The following SIGLEC6 variants were observed in gnomAD, a reference collection of about 807,000 sequenced individuals.
SIGLEC6 encodes the protein sialic acid binding Ig like lectin 6, also known as sialic acid-binding Ig-like lectin 6.
SIGLEC6 carries 31 observed loss-of-function variants against 41.4 expected under a neutral mutation model. The observed-to-expected ratio is 0.75, with a 90% CI of 0.56 to 1.01. The LOEUF (loss-of-function observed/expected upper bound fraction) is 1.01, where lower values mean the gene tolerates loss of function less well. Among genes scored for constraint, SIGLEC6 ranks in the 50% least tolerant of loss-of-function variants. The pLI, the probability that SIGLEC6 is intolerant of heterozygous loss-of-function variation, is 0.00. For missense variants in SIGLEC6, 555 were observed against 558.6 expected (o/e 0.99, Z 0.06); for synonymous variants, 217 against 231.0 (o/e 0.94, Z 0.55).
chr19:51,529,491 CTG>C (rs993577821), intron 5 of SIGLEC6: 1 of 559,412 alleles, frequency 1.8e-6, no homozygotes, highest in Non-Finnish European at 3.2e-6. Context: ...CTGGGGGTGA[CTG>C]TGAAGGAGCC....
chr19:51,529,303 A>C (rs548622138), intron 5 of SIGLEC6: 1 of 190,124 alleles, frequency 5.3e-6, no homozygotes, highest in Non-Finnish European at 1.1e-5. Flanking sequence ...AGCCCTAGCA[A>C]ACTCATACAA....
intron 7 of SIGLEC6, among the ~76,000 whole-genome samples, chr19:51,523,303 C>T (rs73559152): frequency 0.068 from 10,320 of 152,050 alleles, 386 homozygotes; most frequent in South Asian, 0.13. Context: ...AACACAAAAA[C>T]GAAAAATAAA....
chr19:51,524,641 C>G (rs1321113562), intron 7 of SIGLEC6, among the ~76,000 whole-genome samples: 1 of 152,168 alleles, frequency 6.6e-6, no homozygotes, highest in Non-Finnish European at 1.5e-5. Flanking sequence ...CCATGGTAGA[C>G]TGATTTTTCA....
At chr19:51,522,718 G>T (rs1001295507) in intron 7 of SIGLEC6, among the ~76,000 whole-genome samples, 1 of 152,228 alleles carries the variant, frequency 6.6e-6, no homozygotes, top group Non-Finnish European at 1.5e-5. Context: ...TTGAGCCCAG[G>T]AAGTGGAGGT....
chr19:51,522,640 A>G (rs1978470024), intron 7 of SIGLEC6, among the ~76,000 whole-genome samples: 1 of 151,774 alleles, frequency 6.6e-6, no homozygotes, highest in African/African-American at 2.4e-5. Context: ...CCCACAAAAA[A>G]ATTAGCCAGA....
chr19:51,530,381 A>C, intron 4 of SIGLEC6, 56 bp downstream of exon 4: 1 of 1,484,002 alleles, frequency 6.7e-7, no homozygotes, highest in South Asian at 1.1e-5. Context: ...GATCCCCGTT[A>C]GTCCCCACTC....
At position 51,518,697 on chromosome 19, in the gene SIGLEC6, T is replaced by C. The variant is rs954562157; in HGVS notation, c.*1385A>G. Among the ~76,000 whole-genome samples, 3 of 152,210 alleles carry C rather than the reference T, an allele frequency of 2.0e-5. No individual in the cohort carries two copies. The highest frequency in any genetic ancestry group is 7.2e-5 in the African/African-American group (3 of 41,452). ...CATGGCTACTCTTAAGAATTTTCCT[T>C]AATAGTTGGTCTTCATTAAATGCTT... On this transcript the variant is annotated 3_prime_UTR_variant, in exon 8 of 8. Transcript: ENST00000425629.
In SIGLEC6 at chr19:51,530,056, G is replaced by T. The variant is rs892403956; in HGVS notation, c.755-75C>A. 4 of 1,492,902 alleles carry T rather than the reference G, an allele frequency of 2.7e-6. No homozygotes were observed. In the South Asian group the frequency reaches 5.4e-5, roughly 20 times the overall value. 92.5% of individuals were successfully genotyped at this position (1,492,902 alleles called of 1,614,324 possible). A position where few individuals can be genotyped will look rare whatever the true frequency, so the allele number is the denominator to read the frequency against. ...CACTGGTGTCCCTCTCCTCCTGTGG[G>T]GTCCACACTAGCTCTGAGGAGGAGA... is the stretch of plus-strand genomic sequence containing the variant. On this transcript the variant is annotated intron_variant, in intron 4 of 7. Transcript: ENST00000425629.
intron 7 of SIGLEC6, among the ~76,000 whole-genome samples, chr19:51,523,125 G>A (rs1978567098): frequency 6.6e-6 from 1 of 152,022 alleles, no homozygotes; most frequent in South Asian, 2.1e-4. Flanking sequence ...GGGCGACAGA[G>A]TGAGATCCTG....
intron 7 of SIGLEC6, among the ~76,000 whole-genome samples, chr19:51,526,160 T>TTCCAAGGTCCCTGCCCCTGCTGC (rs1491279363): frequency 1.3e-5 from 2 of 152,206 alleles, no homozygotes; most frequent in East Asian, 3.9e-4. Flanking sequence ...CCACTGGCAC[T>TTCCAAGGTCCCTGCCCCTGCTGC]TCCAAGGTCC....
chr19:51,528,336 G>T, intron 5 of SIGLEC6, 83 bp from the exon 6 acceptor site: 1 of 1,144,688 alleles, frequency 8.7e-7, no homozygotes, highest in Non-Finnish European at 1.3e-6. Flanking sequence ...TTCCACTAAT[G>T]TGACCACCCC....
rs1257178502 is a variant in SIGLEC6, at chr19:51,518,002, GT to G, written c.*2079del. ...ACCATCATTTTTACAACAAGTATTT[GT>G]TTCATTTTGCTCACATATTTGCTAC... On this transcript the variant is annotated 3_prime_UTR_variant, in exon 8 of 8. Coordinates refer to ENST00000425629, the MANE Select transcript of SIGLEC6 (RefSeq NM_001245.7). Among the ~76,000 whole-genome samples the G allele has an allele frequency of 2.0e-5, 3 of 151,886 alleles. No homozygotes were observed. The highest frequency in any genetic ancestry group is 1.3e-4 in the Admixed American group (2 of 15,268).
At chr19:51,523,404 T>C (rs1978632334) in intron 7 of SIGLEC6, among the ~76,000 whole-genome samples, 1 of 152,092 alleles carries the variant, frequency 6.6e-6, no homozygotes, top group African/African-American at 2.4e-5. Flanking sequence ...AGTTAAAGAA[T>C]TATGGAAAAA....
Position 51,530,730 on chromosome 19 carries a change from G to A in SIGLEC6, c.657C>T (p.Phe219=). The part of the protein sequence containing the change: ...HSTNLTCQVT[F]PGAGVTMERT... Reference sequence around the variant, plus strand: ...TCTCCATGGTCACACCGGCTCCAGGGAACGTCACCTGACAGGTGAGGTTGG... The same window carrying A: ...TCTCCATGGTCACACCGGCTCCAGGAAACGTCACCTGACAGGTGAGGTTGG... Residue 219 remains phenylalanine (F), a synonymous_variant, in exon 3 of 8, where the codon TTC becomes TTT. Coordinates refer to ENST00000425629, the MANE Select transcript of SIGLEC6 (RefSeq NM_001245.7). The A allele has an allele frequency of 6.2e-7, 1 of 1,614,104 alleles. No homozygotes were observed. Among genetic ancestry groups the A allele is most frequent in the Non-Finnish European group, 8.5e-7 (1 of 1,179,994 alleles).
At chr19:51,522,359 C>T (rs1483361117) in intron 7 of SIGLEC6, among the ~76,000 whole-genome samples, 1 of 152,204 alleles carries the variant, frequency 6.6e-6, no homozygotes. Flanking sequence ...GTCCAGTATG[C>T]CACCAAAATC....
intron 7 of SIGLEC6, 81 bp from the exon 8 acceptor site, chr19:51,520,336 A>G: frequency 1.3e-6 from 1 of 795,076 alleles, no homozygotes; most frequent in Non-Finnish European, 1.9e-6. Flanking sequence ...AGGGAGTAGA[A>G]CTGATGGAAC....
In SIGLEC6 at chr19:51,518,642, C is replaced by G. The variant is rs1990688704; in HGVS notation, c.*1440G>C. Among the ~76,000 whole-genome samples, 1 of 152,140 alleles carries G rather than the reference C, an allele frequency of 6.6e-6. No homozygotes were observed. The highest frequency in any genetic ancestry group is 1.5e-5 in the Non-Finnish European group (1 of 68,006). The stretch of plus-strand genomic sequence containing the variant: ...GGCGTGAGCCACTGCTAACTGTGGT[C>G]TTTTAAGTGTAATCTATCTTTTTAT... On this transcript the variant is annotated 3_prime_UTR_variant, in exon 8 of 8. Coordinates refer to ENST00000425629, the MANE Select transcript of SIGLEC6 (RefSeq NM_001245.7).
intron 7 of SIGLEC6, among the ~76,000 whole-genome samples, chr19:51,523,844 G>C (rs977137295): frequency 2.0e-5 from 3 of 152,024 alleles, no homozygotes; most frequent in African/African-American, 7.2e-5. Flanking sequence ...CACGGTGAAA[G>C]CCCGTCTGTA....
chr19:51,531,084 C>A, intron 2 of SIGLEC6, 76 bp downstream of exon 2: 4 of 1,551,104 alleles, frequency 2.6e-6, no homozygotes, highest in Non-Finnish European at 3.5e-6. Context: ...CCTCCCAAGA[C>A]GGGGCTCCCG....
Sources: gnomAD v4.1 joint callset for allele counts (sites outside exome capture counted in the v4.1 genomes callset) on GRCh38, gnomAD v4.1.1 for gene constraint, MANE v1.5 for transcripts, NCBI Gene and HGNC (gene_info 2026-07-23, HGNC 2026-07-21) for gene names.